PKHD1L1: variants seen among roughly 807,000 people sequenced by gnomAD.
The protein encoded by PKHD1L1 is fibrocystin-L.
PKHD1L1 carries 434 observed loss-of-function variants against 462.9 expected under a neutral mutation model. The observed-to-expected ratio is 0.94, with a 90% CI of 0.87 to 1.02. PKHD1L1 has a LOEUF of 1.02. Among genes scored for constraint, PKHD1L1 ranks in the 50% least tolerant of loss-of-function variants. PKHD1L1 has a pLI of 0.00. For missense variants in PKHD1L1, 5,202 were observed against 5,096.1 expected (o/e 1.02, Z -0.63); for synonymous variants, 1,781 against 1,750.0 (o/e 1.02, Z -0.44).
intron 17 of PKHD1L1, among the ~76,000 whole-genome samples, chr8:109,406,816 T>G (rs1211321867): frequency 2.0e-5 from 3 of 152,034 alleles, no homozygotes; most frequent in Non-Finnish European, 4.4e-5. Context: ...TCTTGCCTAC[T>G]GAAAGGATTT....
chr8:109,481,380 AT>A (rs1053356969), intron 55 of PKHD1L1, 52 bp from the exon 56 acceptor site: 44 of 1,482,888 alleles, frequency 3.0e-5, no homozygotes, highest in East Asian at 2.2e-4. Context: ...TTATGGGTGG[AT>A]TTTTTTTCCT....
At position 109,408,053 on chromosome 8, in the gene PKHD1L1, C is replaced by T; in HGVS notation, c.1818C>T (p.Asp606=). 2 of 1,593,534 alleles carry T rather than the reference C, an allele frequency of 1.3e-6. No homozygotes were observed. Among genetic ancestry groups the T allele is most frequent in the Non-Finnish European group, 1.7e-6 (2 of 1,168,434 alleles). The change falls in exon 18 of 78, where the codon GAC becomes GAT. Residue 606 remains aspartate, a synonymous_variant. Coordinates refer to ENST00000378402, the MANE Select transcript of PKHD1L1 (RefSeq NM_177531.6). The part of the protein sequence containing the change: ...YMVTFISTRG[D]FDLLGYEVVE... ...CTGTTTGTCACTTAATTTCAGGAGA[C>T]TTTGATCTGCTTGGTTATGAAGTAG...
In PKHD1L1 at chr8:109,493,730, A is replaced by G. The variant is rs753672590; in HGVS notation, c.10306A>G (p.Ile3436Val). ...VAGFGRAGYR[I>V]DGEPCPGQFN... The stretch of plus-strand genomic sequence containing the variant: ...TGGATTTGGAAGAGCAGGATACCGC[A>G]TTGATGGTGAACCTTGCCCAGGTAA... Residue 3436 changes from isoleucine (I) to valine (V), a missense_variant, in exon 63 of 78, where the codon ATT becomes GTT. By Grantham distance (29) the Ile-to-Val change is conservative. Around this residue, in one of 3 missense-constraint regions of PKHD1L1, gnomAD observed 4,497 missense variants for 4,336.8 expected, o/e 1.04. Transcript: ENST00000378402. 2 of 1,607,392 alleles carry G rather than the reference A, an allele frequency of 1.2e-6. No individual in the cohort carries two copies. The highest frequency in any genetic ancestry group is 1.3e-5 in the African/African-American group (1 of 74,802).
intron 5 of PKHD1L1, among the ~76,000 whole-genome samples, chr8:109,384,556 TA>T (rs1163341233): frequency 6.6e-6 from 1 of 152,026 alleles, no homozygotes; most frequent in African/African-American, 2.4e-5. Context: ...ACCAATATTT[TA>T]AAAAATTGAT....
At chr8:109,499,288 T>A (rs1819281334) in intron 67 of PKHD1L1, 1 of 153,058 alleles carries the variant, frequency 6.5e-6, no homozygotes, top group Non-Finnish European at 1.5e-5. Flanking sequence ...TATTTTCATT[T>A]GGCCTATTAA....
intron 51 of PKHD1L1, among the ~76,000 whole-genome samples, chr8:109,475,921 T>TAA (rs33994812): frequency 2.0e-5 from 3 of 150,176 alleles, no homozygotes; most frequent in African/African-American, 4.9e-5. Flanking sequence ...TTCTAATTTA[T>TAA]AAAAAAAGTA....
Position 109,445,267 on chromosome 8 carries a change from G to C in PKHD1L1, c.5398G>C (p.Ala1800Pro). 1 of 1,613,984 alleles carries C rather than the reference G, an allele frequency of 6.2e-7. No individual in the cohort carries two copies. Among genetic ancestry groups the C allele is most frequent in the Non-Finnish European group, 8.5e-7 (1 of 1,179,876 alleles). The change falls in exon 38 of 78, where the codon GCT becomes CCT. Residue 1800 changes from alanine (A) to proline (P), a missense_variant. Transcript: ENST00000378402. ...AGAGGTTAATGAAAACAACATCACT[G>C]CTCTTGTGACTCCTCTCCCAGTTGG... The part of the protein sequence containing the change: ...AIEVNENNIT[A>P]LVTPLPVGHH...
Position 109,522,772 on chromosome 8 carries a change from C to G in PKHD1L1, c.12212C>G (p.Ala4071Gly), listed in dbSNP as rs1480325965. ...KVTAQPVERS[A>G]FPVHHVAFVS... ...ACTGCCCAGCCAGTTGAAAGGTCTG[C>G]ATTTCCTGTTCATCACGTGGCCTTC... is the stretch of plus-strand genomic sequence containing the variant. The change falls in exon 75 of 78, where the codon GCA (alanine) becomes GGA (glycine). Residue 4071 changes from alanine (A) to glycine (G), a missense_variant. By Grantham distance (60) the Ala-to-Gly change is moderately conservative. Transcript: ENST00000378402. 1 of 1,611,752 alleles carries G rather than the reference C, an allele frequency of 6.2e-7. No homozygotes were observed. Among genetic ancestry groups the G allele is most frequent in the South Asian group, 1.1e-5 (1 of 90,804 alleles).
chr8:109,439,568 T>C (rs1156384504), intron 32 of PKHD1L1, among the ~76,000 whole-genome samples: 1 of 152,108 alleles, frequency 6.6e-6, no homozygotes, highest in African/African-American at 2.4e-5. Context: ...TAGAGAGAGC[T>C]AACTTATCCT....
intron 46 of PKHD1L1, among the ~76,000 whole-genome samples, chr8:109,458,596 A>T (rs1210454567): frequency 6.6e-6 from 1 of 152,150 alleles, no homozygotes; most frequent in Non-Finnish European, 1.5e-5. Flanking sequence ...GTGTATTGAG[A>T]ATGCAGAAGT....
intron 72 of PKHD1L1, among the ~76,000 whole-genome samples, chr8:109,516,210 G>C (rs1184613079): frequency 6.6e-6 from 1 of 152,116 alleles, no homozygotes; most frequent in African/African-American, 2.4e-5. Context: ...AATTTGCCAA[G>C]ATAGTGGTCT....
intron 50 of PKHD1L1, among the ~76,000 whole-genome samples, chr8:109,474,070 T>C (rs951436472): frequency 1.3e-5 from 2 of 152,192 alleles, no homozygotes; most frequent in Non-Finnish European, 2.9e-5. Context: ...TTTCATACTT[T>C]ACGGGATTTT....
chr8:109,487,940 G>GGAAGGAAGGAAA (rs1818637652), intron 59 of PKHD1L1, among the ~76,000 whole-genome samples: 2 of 149,476 alleles, frequency 1.3e-5, no homozygotes, highest in Non-Finnish European at 3.0e-5. Flanking sequence ...AAGGAAGGAA[G>GGAAGGAAGGAAA]GAAAGAAGGA....
intron 59 of PKHD1L1, among the ~76,000 whole-genome samples, chr8:109,488,686 T>C (rs980217771): frequency 1.3e-5 from 2 of 151,940 alleles, no homozygotes; most frequent in African/African-American, 4.8e-5. Flanking sequence ...AACAGCAGTC[T>C]CACTATAGCC....
rs1179733865 is a variant in PKHD1L1 at position 109,510,948 on chromosome 8, T to A, written c.11553+14T>A. On this transcript the variant is annotated intron_variant, in intron 71 of 77. Transcript: ENST00000378402. Reference sequence around the variant, plus strand: ...GATCATAACAAGGTAGGGCAAGATGTCTTAAGAGTAATTGCTGTTGATTAT... The same window carrying A: ...GATCATAACAAGGTAGGGCAAGATGACTTAAGAGTAATTGCTGTTGATTAT... The A allele has an allele frequency of 2.5e-6, 4 of 1,609,420 alleles. No individual in the cohort carries two copies. The Admixed American group carries it at 5.0e-5, about 20-fold the overall frequency.
At chr8:109,470,301 G>A (rs914141481) in intron 50 of PKHD1L1, 99 of 1,483,512 alleles carry the variant, frequency 6.7e-5, no homozygotes, top group Non-Finnish European at 8.1e-5. Context: ...ACTGCAAAAC[G>A]AGGTCATCAT....
intron 71 of PKHD1L1, among the ~76,000 whole-genome samples, chr8:109,512,987 GCTCT>G (rs1217877237): frequency 1.3e-5 from 2 of 151,696 alleles, no homozygotes; most frequent in East Asian, 1.9e-4. Flanking sequence ...TCATGATTTG[GCTCT>G]CTGTTTGTCT....
chr8:109,487,876 A>G lies in PKHD1L1; in HGVS notation c.9880+1055A>G, dbSNP rs111978103. ...AAAGAAAGAGAGAAAGACAGAGAGA[A>G]AGAGAGAGAGAGAGAGGAAGGAAGG... is the stretch of plus-strand genomic sequence containing the variant. On this transcript the variant is annotated intron_variant, in intron 59 of 77. Transcript: ENST00000378402. Among the ~76,000 whole-genome samples, 33 of 115,120 alleles carry G rather than the reference A, an allele frequency of 2.9e-4. 1 individual carries two copies. The South Asian group carries it at 0.01, about 35-fold the overall frequency. 75.5% of individuals were successfully genotyped at this position (115,120 alleles called of 152,430 possible).
intron 21 of PKHD1L1, among the ~76,000 whole-genome samples, chr8:109,415,731 C>T (rs565327240): frequency 1.5e-4 from 23 of 151,940 alleles, no homozygotes; most frequent in Non-Finnish European, 2.8e-4. Context: ...CACCTGTGGT[C>T]CCAGGTACTC....
Sources: gnomAD v4.1 joint callset for allele counts (sites outside exome capture counted in the v4.1 genomes callset) on GRCh38, gnomAD v4.1.1 for gene constraint, gnomAD v4.1.1 regional missense constraint, MANE v1.5 for transcripts, NCBI Gene and HGNC (gene_info 2026-07-23, HGNC 2026-07-21) for gene names.